The following TENM2 variants were observed in gnomAD, a reference collection of about 807,000 sequenced individuals.
TENM2 encodes teneurin transmembrane protein 2.
Under a neutral mutation model 245.2 loss-of-function variants are expected in TENM2, and 52 were observed. The ratio of observed to expected loss-of-function variants is 0.21; its 90% CI spans 0.17 to 0.27. The LOEUF (loss-of-function observed/expected upper bound fraction) is 0.27. TENM2 is among the 10% of genes least tolerant of loss of function. The probability of loss-of-function intolerance (pLI) is 1.00; values close to 1 mark genes in which losing one functional copy is unlikely to be tolerated. For synonymous variants in TENM2, 1,363 were observed against 1,438.9 expected (o/e 0.95, Z 1.19); for missense variants, 3,046 against 3,666.8 (o/e 0.83, Z 4.37).
chr5:167,360,887 C>T (rs559636450), intron 1 of TENM2, among the ~76,000 whole-genome samples: 8 of 152,272 alleles, frequency 5.3e-5, no homozygotes, highest in East Asian at 1.9e-4. Context: ...CTGGGCTACT[C>T]GCTTCTACAA....
chr5:167,748,151 A>G (rs1761715239), intron 2 of TENM2, among the ~76,000 whole-genome samples: 1 of 152,048 alleles, frequency 6.6e-6, no homozygotes, highest in Admixed American at 6.6e-5. Context: ...TAACAGAAAT[A>G]TTTTCCATCT....
the TENM2 span, among the ~76,000 whole-genome samples, chr5:167,122,274 C>T: frequency 2.0e-5 from 3 of 152,096 alleles, no homozygotes; most frequent in Admixed American, 6.5e-5. Context: ...TCTTGAGATT[C>T]GTGTGCTTGA....
chr5:167,160,779 G>A, the TENM2 span, among the ~76,000 whole-genome samples: 2 of 152,148 alleles, frequency 1.3e-5, no homozygotes, highest in Non-Finnish European at 2.9e-5. Flanking sequence ...CTGAGGATGG[G>A]ATGTGCCTGT....
At position 167,870,599 on chromosome 5, in the gene TENM2, G is replaced by A. The variant is rs937983615; in HGVS notation, c.503-5387G>A. On this transcript the variant is annotated intron_variant, in intron 2 of 28. Coordinates refer to ENST00000518659, the Ensembl canonical transcript of TENM2. ...TGTGTATATATATATGTATATATAT[G>A]TGTATATATGTATATATATGTATAT... 2.8e-5 allele frequency among the ~76,000 whole-genome samples: 4 copies of A among 144,292 alleles called. No homozygotes were observed. The Admixed American group carries it at 2.8e-4, about 10-fold the overall frequency. 94.7% of individuals were successfully genotyped at this position (144,292 alleles called of 152,430 possible).
At chr5:167,571,394 T>C (rs564067623) in intron 2 of TENM2, among the ~76,000 whole-genome samples, 1 of 152,286 alleles carries the variant, frequency 6.6e-6, no homozygotes, top group East Asian at 1.9e-4. Flanking sequence ...TCATACGCTG[T>C]CATATAAGCA....
chr5:168,016,351 T>C (rs1785654309), intron 5 of TENM2, among the ~76,000 whole-genome samples: 1 of 152,222 alleles, frequency 6.6e-6, no homozygotes. Context: ...TTACTATCAT[T>C]CCATTATTTT....
At chr5:167,676,615 A>G (rs533980090) in intron 2 of TENM2, among the ~76,000 whole-genome samples, 12 of 152,272 alleles carry the variant, frequency 7.9e-5, no homozygotes, top group African/African-American at 2.6e-4. Context: ...TTTCATTCAC[A>G]GAAAGAAGAC....
At chr5:167,553,149 G>A (rs531672621) in intron 2 of TENM2, among the ~76,000 whole-genome samples, 3 of 152,338 alleles carry the variant, frequency 2.0e-5, no homozygotes, top group Non-Finnish European at 4.4e-5. Flanking sequence ...CTAAGGAAAC[G>A]AGTCATGTGC....
chr5:167,348,236 C>T (rs1037805895), intron 1 of TENM2, among the ~76,000 whole-genome samples: 4 of 152,194 alleles, frequency 2.6e-5, no homozygotes, highest in African/African-American at 9.6e-5. Flanking sequence ...TAACGAATTG[C>T]AGCTCTGTTT....
chr5:167,986,188 C>T (rs530914321), intron 4 of TENM2, among the ~76,000 whole-genome samples: 2 of 152,278 alleles, frequency 1.3e-5, no homozygotes, highest in African/African-American at 4.8e-5. Context: ...TTTGCTGTCA[C>T]GTAAAGGATA....
chr5:167,401,157 G>A (rs529960108), intron 2 of TENM2, among the ~76,000 whole-genome samples: 8 of 152,166 alleles, frequency 5.3e-5, no homozygotes, highest in East Asian at 3.9e-4. Flanking sequence ...AAAGCTGAGC[G>A]AACACTACGT....
At chr5:166,995,493 G>A in the TENM2 span, among the ~76,000 whole-genome samples, 1 of 151,918 alleles carries the variant, frequency 6.6e-6, no homozygotes, top group Non-Finnish European at 1.5e-5. Flanking sequence ...CAGCTGCCTT[G>A]GCCTCCCAAA....
At chr5:167,832,115 C>T (rs1333403660) in intron 2 of TENM2, among the ~76,000 whole-genome samples, 2 of 152,154 alleles carry the variant, frequency 1.3e-5, no homozygotes, top group Non-Finnish European at 2.9e-5. Flanking sequence ...AACTGTTTGT[C>T]AGGGCAGTAA....
chr5:167,060,824 A>G, the TENM2 span, among the ~76,000 whole-genome samples: 1 of 152,048 alleles, frequency 6.6e-6, no homozygotes, highest in Non-Finnish European at 1.5e-5. Context: ...TGTGTTTTAC[A>G]TTCAACATTC....
Position 168,247,377 on chromosome 5 carries a change from C to T in TENM2, c.6438C>T (p.Ala2146=), listed in dbSNP as rs760211293. 14 of 1,613,928 alleles carry T rather than the reference C, an allele frequency of 8.7e-6. 1 individual carries two copies. The South Asian group carries it at 9.9e-5, about 11-fold the overall frequency. The stretch of plus-strand genomic sequence containing the variant: ...ACATCAACCAGATCATCACCACTGC[C>T]GTGATGACCCTCAGCAAACACTTCG... The change falls in exon 27 of 29, where the codon GCC becomes GCT. Residue 2146 remains alanine (A), a synonymous_variant. Coordinates refer to ENST00000518659, the Ensembl canonical transcript of TENM2. This position sits in a 1 kb window ranked among gnomAD's most constrained non-coding sequence, Gnocchi z 7.8.
chr5:167,736,558 G>A (rs6869167), intron 2 of TENM2, among the ~76,000 whole-genome samples: 36,017 of 151,700 alleles, frequency 0.24, 4,597 homozygotes, highest in East Asian at 0.45. Flanking sequence ...GGTATTTAAG[G>A]TCTCAGTAAA....
At chr5:167,242,864 T>G in the TENM2 span, among the ~76,000 whole-genome samples, 2 of 152,134 alleles carry the variant, frequency 1.3e-5, no homozygotes, top group East Asian at 3.9e-4. Flanking sequence ...CCCATGCTGT[T>G]CAGTGGTCAT....
chr5:168,023,786 G>A (rs959981675), intron 5 of TENM2, among the ~76,000 whole-genome samples: 3 of 152,086 alleles, frequency 2.0e-5, no homozygotes, highest in Admixed American at 6.5e-5. Flanking sequence ...CATCCCGGAG[G>A]GTGCTCTCTT....
chr5:167,192,673 A>G, the TENM2 span, among the ~76,000 whole-genome samples: 1 of 152,102 alleles, frequency 6.6e-6, no homozygotes. Flanking sequence ...CCTAACACTG[A>G]GAGAGGATCA....
Sources: allele counts gnomAD v4.1 joint callset (sites outside exome capture counted in the v4.1 genomes callset), GRCh38; gene constraint gnomAD v4.1.1; non-coding constraint Gnocchi (gnomAD v3.1); transcripts MANE v1.5; gene names NCBI Gene and HGNC (gene_info 2026-07-23, HGNC 2026-07-21).